The following NXPH1 variants were observed in gnomAD, a reference collection of about 807,000 sequenced individuals.
NXPH1 encodes neurexophilin 1, also known as neurexophilin-1.
Under a neutral mutation model 23.7 loss-of-function variants are expected in NXPH1, and 5 were observed. The observed-to-expected ratio is 0.21, with a 90% CI of 0.11 to 0.44. The LOEUF (loss-of-function observed/expected upper bound fraction) is 0.44, where lower values mean the gene tolerates loss of function less well. NXPH1 is among the 20% of genes least tolerant of loss of function. NXPH1 has a pLI of 0.99. For missense variants in NXPH1, 324 were observed against 321.6 expected (o/e 1.01, Z -0.06); for synonymous variants, 144 against 122.2 (o/e 1.18, Z -1.18).
intron 2 of NXPH1, among the ~76,000 whole-genome samples, chr7:8,454,501 A>C (rs976550049): frequency 6.6e-6 from 1 of 152,084 alleles, no homozygotes; most frequent in African/African-American, 2.4e-5. Flanking sequence ...TCATTTGTAA[A>C]TTTGACTTGT....
chr7:8,582,814 C>G (rs1298511511), intron 2 of NXPH1, among the ~76,000 whole-genome samples: 1 of 152,174 alleles, frequency 6.6e-6, no homozygotes. Context: ...CTGTCCCTGG[C>G]TTGAAGGTGG....
rs149539614 is a variant in NXPH1, at chr7:8,527,293, T to C, written c.54+91526T>C. ...CAGCCTCAGCTTTTGCTTTCTTGGA[T>C]GCACTCCAGAGGATGAAATTCTGAT... On this transcript the variant is annotated intron_variant, in intron 2 of 2. Transcript: ENST00000405863. Among the ~76,000 whole-genome samples the C allele has an allele frequency of 1.8e-3, 270 of 152,306 alleles. 1 individual carries two copies. The highest frequency in any genetic ancestry group is 5.9e-3 in the African/African-American group (246 of 41,564).
At chr7:8,469,260 A>G (rs141518069) in intron 2 of NXPH1, among the ~76,000 whole-genome samples, 1 of 152,164 alleles carries the variant, frequency 6.6e-6, no homozygotes, top group Non-Finnish European at 1.5e-5. Flanking sequence ...AGACTTTCAC[A>G]TGAATTTATC....
chr7:8,497,094 G>A (rs1173101593), intron 2 of NXPH1, among the ~76,000 whole-genome samples: 1 of 152,098 alleles, frequency 6.6e-6, no homozygotes, highest in Non-Finnish European at 1.5e-5. Flanking sequence ...TCCCACCTAT[G>A]AGTGAGAACG....
rs74778809 is a variant in NXPH1 at position 8,573,522 on chromosome 7, A to G, written c.54+137755A>G. On this transcript the variant is annotated intron_variant, in intron 2 of 2. Transcript: ENST00000405863. ...GGGGAAGTGTAGTATGTATTTGGCA[A>G]CAAGGAACAGTTGGAATATTTTGGA... Among the ~76,000 whole-genome samples the G allele has an allele frequency of 1.8e-3, 269 of 152,266 alleles. 5 individuals carry two copies. The East Asian group carries it at 0.044, about 25-fold the overall frequency.
At position 8,707,629 on chromosome 7, in the gene NXPH1, G is replaced by T. The variant is rs573430326; in HGVS notation, c.55-43379G>T. ...TCATCATCTCATACAGATCCATCAG[G>T]ATCTGTAGGTCAGTTTGAATAATGA... On this transcript the variant is annotated intron_variant, in intron 2 of 2. Transcript: ENST00000405863. Among the ~76,000 whole-genome samples the T allele has an allele frequency of 3.3e-5, 5 of 152,062 alleles. No homozygotes were observed. The South Asian group carries it at 1.0e-3, about 32-fold the overall frequency.
At chr7:8,742,551 GTC>G (rs1356850283) in intron 2 of NXPH1, among the ~76,000 whole-genome samples, 2 of 141,326 alleles carry the variant, frequency 1.4e-5, no homozygotes, top group African/African-American at 4.9e-5. Context: ...GCTGAGATGT[GTC>G]TCTGAGATAT....
intron 2 of NXPH1, among the ~76,000 whole-genome samples, chr7:8,678,960 T>G (rs1190508578): frequency 1.1e-5 from 1 of 91,516 alleles, no homozygotes; most frequent in Non-Finnish European, 2.3e-5. Flanking sequence ...TTTTTTTTTT[T>G]TTTGTTGAGA....
intron 2 of NXPH1, among the ~76,000 whole-genome samples, chr7:8,748,674 A>C (rs1477157343): frequency 6.6e-6 from 1 of 152,140 alleles, no homozygotes; most frequent in Non-Finnish European, 1.5e-5. Context: ...AGCAGATGCA[A>C]CTGTACTCGA....
chr7:8,551,507 T>C (rs1818274656), intron 2 of NXPH1, among the ~76,000 whole-genome samples: 2 of 151,544 alleles, frequency 1.3e-5, no homozygotes, highest in Admixed American at 1.3e-4. Flanking sequence ...ATGAATTATA[T>C]ATAACGCAGA....
chr7:8,492,832 A>G (rs576688187), intron 2 of NXPH1, among the ~76,000 whole-genome samples: 1 of 152,170 alleles, frequency 6.6e-6, no homozygotes, highest in Admixed American at 6.6e-5. Context: ...TCCAAAGCTT[A>G]GCATTTACTA....
At chr7:8,468,781 G>T (rs543528667) in intron 2 of NXPH1, among the ~76,000 whole-genome samples, 1 of 152,068 alleles carries the variant, frequency 6.6e-6, no homozygotes, top group Admixed American at 6.6e-5. Context: ...TGATAGTTCA[G>T]TTCTTAGATT....
intron 2 of NXPH1, among the ~76,000 whole-genome samples, chr7:8,657,507 A>G (rs1414695640): frequency 6.6e-6 from 1 of 152,192 alleles, no homozygotes; most frequent in Non-Finnish European, 1.5e-5. Flanking sequence ...ACTCCTAGGC[A>G]GTCACTGGAG....
At chr7:8,570,914 C>A (rs1016848698) in intron 2 of NXPH1, among the ~76,000 whole-genome samples, 1 of 151,672 alleles carries the variant, frequency 6.6e-6, no homozygotes, top group African/African-American at 2.4e-5. Flanking sequence ...TGATGAATTG[C>A]AATTGAGGGA....
intron 2 of NXPH1, among the ~76,000 whole-genome samples, chr7:8,439,195 C>T (rs868356552): frequency 2.0e-5 from 3 of 152,126 alleles, no homozygotes; most frequent in African/African-American, 2.4e-5. Flanking sequence ...CAGTATGATA[C>T]AATGGGATGG....
At chr7:8,643,309 A>G (rs774652423) in intron 2 of NXPH1, among the ~76,000 whole-genome samples, 1 of 152,072 alleles carries the variant, frequency 6.6e-6, no homozygotes, top group Non-Finnish European at 1.5e-5. Flanking sequence ...ATTCTTATAC[A>G]TGTGTAATTT....
At chr7:8,487,422 C>A (rs1817176852) in intron 2 of NXPH1, among the ~76,000 whole-genome samples, 1 of 152,082 alleles carries the variant, frequency 6.6e-6, no homozygotes, top group African/African-American at 2.4e-5. Context: ...TCCTCATTTG[C>A]CTTCTTCCTT....
intron 2 of NXPH1, among the ~76,000 whole-genome samples, chr7:8,444,043 T>C (rs1816354667): frequency 1.3e-5 from 2 of 152,180 alleles, no homozygotes; most frequent in Admixed American, 1.3e-4. Flanking sequence ...CACCGTTGAT[T>C]TGATCCAGAA....
intron 2 of NXPH1, among the ~76,000 whole-genome samples, chr7:8,507,010 T>A (rs1817538171): frequency 6.7e-6 from 1 of 149,066 alleles, no homozygotes; most frequent in African/African-American, 2.6e-5. Flanking sequence ...CCCGGGAAGA[T>A]GAAAGGGGAG....
Sources: gnomAD v4.1 joint callset for allele counts (sites outside exome capture counted in the v4.1 genomes callset) on GRCh38, gnomAD v4.1.1 for gene constraint, MANE v1.5 for transcripts, NCBI Gene and HGNC (gene_info 2026-07-23, HGNC 2026-07-21) for gene names.